Variants in FAM171B observed in about 807,000 individuals in gnomAD.
The protein encoded by FAM171B is family with sequence similarity 171 member B, also known as protein FAM171B.
FAM171B carries 19 observed loss-of-function variants against 75.6 expected under a neutral mutation model. The ratio of observed to expected loss-of-function variants is 0.25; its 90% CI spans 0.18 to 0.37. The LOEUF (loss-of-function observed/expected upper bound fraction) is 0.37, where lower values mean the gene tolerates loss of function less well. Ranked by LOEUF, FAM171B falls within the 10% of genes least tolerant of loss-of-function variation. The probability of loss-of-function intolerance (pLI) is 1.00; values close to 1 mark genes in which losing one functional copy is unlikely to be tolerated. For missense variants in FAM171B, 848 were observed against 982.4 expected, an observed-to-expected ratio of 0.86 and a Z score of 1.83; for synonymous variants, 367 against 361.7, an observed-to-expected ratio of 1.01 and a Z score of -0.17.
At chr2:186,759,262 G>A (rs1165687276) in intron 6 of FAM171B, among the ~76,000 whole-genome samples, 1 of 152,102 alleles carries the variant, frequency 6.6e-6, no homozygotes, top group African/African-American at 2.4e-5. Context: ...ATGAACATGG[G>A]CATGCAGATA....
rs144455364 is a variant in FAM171B, at chr2:186,713,370, A to G, written c.238+18959A>G. ...CTGGGGGGTGATCTTGGGGAAACTC[A>G]TTAAACTTCCTCTGGGATAGAATTA... On this transcript the variant is annotated intron_variant, in intron 1 of 7. Transcript: ENST00000304698. Among the ~76,000 whole-genome samples, 6 of 152,370 alleles carry G rather than the reference A, an allele frequency of 3.9e-5. No homozygotes were observed. In the East Asian group the frequency reaches 1.2e-3, roughly 29 times the overall value.
At chr2:186,703,866 A>C (rs1689699692) in intron 1 of FAM171B, among the ~76,000 whole-genome samples, 1 of 152,158 alleles carries the variant, frequency 6.6e-6, no homozygotes, top group Admixed American at 6.5e-5. Context: ...AATGAAATAG[A>C]TGAAGAACAT....
At chr2:186,725,854 C>A (rs879395543) in intron 1 of FAM171B, among the ~76,000 whole-genome samples, 18 of 152,160 alleles carry the variant, frequency 1.2e-4, no homozygotes, top group African/African-American at 4.3e-4. Context: ...GAAGAAAAAA[C>A]AAGTCAGGAT....
chr2:186,760,480 G>A (rs1232676081), intron 6 of FAM171B, among the ~76,000 whole-genome samples: 1 of 151,928 alleles, frequency 6.6e-6, no homozygotes, highest in Non-Finnish European at 1.5e-5. Flanking sequence ...AAATCTCTTT[G>A]CACAAAGCTC....
At chr2:186,751,929 T>G (rs1690462124) in intron 5 of FAM171B, among the ~76,000 whole-genome samples, 1 of 152,162 alleles carries the variant, frequency 6.6e-6, no homozygotes, top group Non-Finnish European at 1.5e-5. Flanking sequence ...CAGGTAGGAC[T>G]TCCTTGGGTG....
intron 1 of FAM171B, among the ~76,000 whole-genome samples, chr2:186,698,828 A>G (rs957646495): frequency 3.9e-5 from 6 of 152,000 alleles, no homozygotes; most frequent in East Asian, 1.9e-4. Flanking sequence ...TCTAATCTCT[A>G]TCTCCGTGAG....
chr2:186,719,655 G>A (rs1250131931), intron 1 of FAM171B, among the ~76,000 whole-genome samples: 2 of 152,190 alleles, frequency 1.3e-5, no homozygotes, highest in Non-Finnish European at 2.9e-5. Context: ...AACTCCCTGC[G>A]GAGACAGGAG....
intron 1 of FAM171B, among the ~76,000 whole-genome samples, chr2:186,716,934 A>C (rs551664363): frequency 6.6e-6 from 1 of 152,192 alleles, no homozygotes; most frequent in South Asian, 2.1e-4. Context: ...TATTTTATGC[A>C]ATCCTCTGAT....
intron 1 of FAM171B, among the ~76,000 whole-genome samples, chr2:186,704,207 C>T (rs1276819798): frequency 6.6e-6 from 1 of 152,050 alleles, no homozygotes; most frequent in Non-Finnish European, 1.5e-5. Context: ...CTAAAAATTT[C>T]ACTTTCTTTA....
chr2:186,705,024 C>T lies in FAM171B; in HGVS notation c.238+10613C>T, dbSNP rs73979346. 9.5e-3 allele frequency among the ~76,000 whole-genome samples: 1,451 copies of T among 152,300 alleles called. 25 individuals are homozygous for T. Among genetic ancestry groups the T allele is most frequent in the African/African-American group, 0.032 (1,326 of 41,562 alleles). On this transcript the variant is annotated intron_variant, in intron 1 of 7. Coordinates refer to ENST00000304698, the MANE Select transcript of FAM171B (RefSeq NM_177454.4). The stretch of plus-strand genomic sequence containing the variant: ...CTTAGCCTGTGAAGGTTCTTGGCTT[C>T]GCCCAGGAAGGAATTCAATGGTGAG...
intron 5 of FAM171B, among the ~76,000 whole-genome samples, chr2:186,752,418 G>A (rs539548815): frequency 5.9e-5 from 9 of 152,238 alleles, no homozygotes; most frequent in Non-Finnish European, 1.3e-4. Flanking sequence ...TAAAGAAAGA[G>A]TGGAAACTAT....
At chr2:186,709,466 A>G (rs1231068921) in intron 1 of FAM171B, among the ~76,000 whole-genome samples, 2 of 152,180 alleles carry the variant, frequency 1.3e-5, no homozygotes, top group Non-Finnish European at 2.9e-5. Flanking sequence ...GAATTCAAAC[A>G]TAAGCCCCAT....
At chr2:186,724,776 G>T (rs917410567) in intron 1 of FAM171B, among the ~76,000 whole-genome samples, 28 of 152,168 alleles carry the variant, frequency 1.8e-4, no homozygotes, top group African/African-American at 6.5e-4. Context: ...CGTGCCTGGA[G>T]TGTTCAAGGA....
intron 1 of FAM171B, among the ~76,000 whole-genome samples, chr2:186,702,171 T>G (rs1689671383): frequency 6.6e-6 from 1 of 152,210 alleles, no homozygotes; most frequent in South Asian, 2.1e-4. Context: ...TAGAGTGTAC[T>G]TACACAAGCC....
At chr2:186,707,430 A>C (rs1167390345) in intron 1 of FAM171B, among the ~76,000 whole-genome samples, 1 of 152,146 alleles carries the variant, frequency 6.6e-6, no homozygotes, top group Non-Finnish European at 1.5e-5. Context: ...TCATATTAGC[A>C]CATCAACCGG....
chr2:186,738,725 G>A lies in FAM171B; in HGVS notation c.239-1503G>A, dbSNP rs141753177. Among the ~76,000 whole-genome samples the A allele has an allele frequency of 1.9e-4, 29 of 152,258 alleles. No individual in the cohort carries two copies. The East Asian group carries it at 4.4e-3, about 23-fold the overall frequency. On this transcript the variant is annotated intron_variant, in intron 1 of 7. Transcript: ENST00000304698. ...GTTGCTATTGATAGCATTAGAGTTA[G>A]TGAAACACAATAAAAATGTATTTTC...
chr2:186,724,199 C>T (rs1401666609), intron 1 of FAM171B, among the ~76,000 whole-genome samples: 1 of 151,864 alleles, frequency 6.6e-6, no homozygotes, highest in Admixed American at 6.6e-5. Context: ...GAATGTGGCC[C>T]TCAGAGTGTT....
chr2:186,758,584 T>C (rs543742811), intron 6 of FAM171B, among the ~76,000 whole-genome samples: 2 of 152,242 alleles, frequency 1.3e-5, no homozygotes, highest in African/African-American at 4.8e-5. Context: ...ATTTATTATA[T>C]AGCTTTTTGA....
At chr2:186,721,258 A>C (rs1477046136) in intron 1 of FAM171B, among the ~76,000 whole-genome samples, 1 of 152,090 alleles carries the variant, frequency 6.6e-6, no homozygotes, top group Non-Finnish European at 1.5e-5. Context: ...GGGGCCTGGG[A>C]ATGTGGCAAA....
Sources: gnomAD v4.1 joint callset for allele counts (sites outside exome capture counted in the v4.1 genomes callset) on GRCh38, gnomAD v4.1.1 for gene constraint, MANE v1.5 for transcripts, NCBI Gene and HGNC (gene_info 2026-07-23, HGNC 2026-07-21) for gene names.